Variants in C1orf21 observed in about 807,000 individuals in gnomAD.
C1orf21 encodes uncharacterized protein C1orf21.
A neutral mutation model predicts 18.7 loss-of-function variants in C1orf21; 3 were observed. The ratio of observed to expected loss-of-function variants is 0.16; its 90% CI spans 0.07 to 0.42. The LOEUF is 0.42. Ranked by LOEUF, C1orf21 falls within the 10% of genes least tolerant of loss-of-function variation. C1orf21 has a pLI of 0.99. For missense variants in C1orf21, 104 were observed against 143.6 expected, an observed-to-expected ratio of 0.72 and a Z score of 1.41; for synonymous variants, 41 against 46.4, an observed-to-expected ratio of 0.88 and a Z score of 0.47.
At chr1:184,559,454 C>T (rs969720215) in intron 3 of C1orf21, among the ~76,000 whole-genome samples, 6 of 151,660 alleles carry the variant, frequency 4.0e-5, no homozygotes, top group African/African-American at 1.5e-4. Context: ...TGGTGTCAGG[C>T]ATCTTTCTTT....
intron 1 of C1orf21, among the ~76,000 whole-genome samples, chr1:184,475,631 A>C (rs1332574285): frequency 6.6e-6 from 1 of 152,136 alleles, no homozygotes; most frequent in African/African-American, 2.4e-5. Context: ...AAATGTCAGC[A>C]TCTCTTCTCC....
chr1:184,601,414 C>T (rs1045470093), intron 5 of C1orf21, among the ~76,000 whole-genome samples: 1 of 152,062 alleles, frequency 6.6e-6, no homozygotes, highest in Non-Finnish European at 1.5e-5. Flanking sequence ...GTAAAAGCAC[C>T]ATTAGTATAC....
chr1:184,428,714 G>A (rs946430497), intron 1 of C1orf21, among the ~76,000 whole-genome samples: 1 of 152,056 alleles, frequency 6.6e-6, no homozygotes, highest in Non-Finnish European at 1.5e-5. Context: ...TTGGGTCTAG[G>A]ATGTTTCCAT....
intron 3 of C1orf21, among the ~76,000 whole-genome samples, chr1:184,573,845 T>TA (rs1347009944): frequency 2.0e-5 from 3 of 152,024 alleles, no homozygotes; most frequent in Admixed American, 2.0e-4. Flanking sequence ...TTGAAATCTT[T>TA]AAAAAATTAA....
chr1:184,539,069 T>C (rs1658604477), intron 3 of C1orf21, among the ~76,000 whole-genome samples: 1 of 152,222 alleles, frequency 6.6e-6, no homozygotes, highest in South Asian at 2.1e-4. Context: ...CATCCTTCCC[T>C]TGTTCTTGAT....
chr1:184,449,499 G>A (rs549414276), intron 1 of C1orf21, among the ~76,000 whole-genome samples: 31 of 152,126 alleles, frequency 2.0e-4, no homozygotes, highest in South Asian at 1.2e-3. Context: ...GAATAGTGCC[G>A]CAATAAACAT....
At chr1:184,591,561 CT>C (rs1456189538) in intron 4 of C1orf21, among the ~76,000 whole-genome samples, 9 of 152,092 alleles carry the variant, frequency 5.9e-5, no homozygotes, top group African/African-American at 1.9e-4. Flanking sequence ...AATCCCAGCA[CT>C]TTGGGAGGCC....
At chr1:184,524,601 T>C (rs1658352393) in intron 3 of C1orf21, among the ~76,000 whole-genome samples, 1 of 152,144 alleles carries the variant, frequency 6.6e-6, no homozygotes, top group Non-Finnish European at 1.5e-5. Flanking sequence ...AGTTAGAATA[T>C]AGAACTGGGT....
intron 1 of C1orf21, among the ~76,000 whole-genome samples, chr1:184,445,703 A>T (rs1237296895): frequency 6.6e-6 from 1 of 152,138 alleles, no homozygotes; most frequent in Non-Finnish European, 1.5e-5. Context: ...GAGCTGGTTA[A>T]TGCAATGCAT....
intron 3 of C1orf21, among the ~76,000 whole-genome samples, chr1:184,577,909 G>T (rs1313014252): frequency 1.4e-5 from 2 of 147,730 alleles, no homozygotes; most frequent in African/African-American, 5.0e-5. Flanking sequence ...TGTTTATTCT[G>T]TAGTAGTCAG....
chr1:184,470,890 A>AG (rs1466310608), intron 1 of C1orf21, among the ~76,000 whole-genome samples: 1 of 152,036 alleles, frequency 6.6e-6, no homozygotes, highest in East Asian at 1.9e-4. Context: ...AAAAAAAAAA[A>AG]AGAACAAGAA....
At chr1:184,557,667 T>A (rs547284964) in intron 3 of C1orf21, among the ~76,000 whole-genome samples, 1 of 152,344 alleles carries the variant, frequency 6.6e-6, no homozygotes, top group South Asian at 2.1e-4. Context: ...GCATTTGGGC[T>A]GGTTCCATAT....
intron 1 of C1orf21, among the ~76,000 whole-genome samples, chr1:184,425,302 C>G (rs1029313803): frequency 2.0e-5 from 3 of 150,050 alleles, no homozygotes; most frequent in African/African-American, 4.9e-5. Flanking sequence ...AGGTCTCGTT[C>G]TGGCACCCAG....
intron 3 of C1orf21, among the ~76,000 whole-genome samples, chr1:184,569,868 CT>C (rs1659084792): frequency 6.6e-6 from 1 of 152,180 alleles, no homozygotes; most frequent in Non-Finnish European, 1.5e-5. Context: ...GTGGAGAGGA[CT>C]ATGGCATAGC....
At chr1:184,506,954 A>T (rs1374138031) in intron 2 of C1orf21, among the ~76,000 whole-genome samples, 1 of 151,634 alleles carries the variant, frequency 6.6e-6, no homozygotes, top group Admixed American at 6.6e-5. Flanking sequence ...TTACAGAGAG[A>T]TTGAATTAAA....
At chr1:184,614,518 A>G (rs1571302960) in intron 5 of C1orf21, among the ~76,000 whole-genome samples, 3 of 115,256 alleles carry the variant, frequency 2.6e-5, no homozygotes, top group South Asian at 2.9e-4. Flanking sequence ...GCAGTCCCCA[A>G]CCTTTCTGGC....
At chr1:184,486,184 C>A (rs1252137229) in intron 2 of C1orf21, among the ~76,000 whole-genome samples, 2 of 152,128 alleles carry the variant, frequency 1.3e-5, no homozygotes, top group Non-Finnish European at 2.9e-5. Flanking sequence ...AGAGAAGGTG[C>A]TCAAAATATG....
chr1:184,521,881 C>T (rs1178943060), intron 3 of C1orf21, among the ~76,000 whole-genome samples: 1 of 151,970 alleles, frequency 6.6e-6, no homozygotes, highest in South Asian at 2.1e-4. Context: ...AAGATGCTAA[C>T]CTAAGTAACT....
At chr1:184,488,790 TC>T (rs1226779919) in intron 2 of C1orf21, among the ~76,000 whole-genome samples, 1 of 151,994 alleles carries the variant, frequency 6.6e-6, no homozygotes, top group Non-Finnish European at 1.5e-5. Context: ...CACGGTGAAA[TC>T]CTGTCTCTAC....
Sources: gnomAD v4.1 joint callset for allele counts (sites outside exome capture counted in the v4.1 genomes callset) on GRCh38, gnomAD v4.1.1 for gene constraint, MANE v1.5 for transcripts, NCBI Gene and HGNC (gene_info 2026-07-23, HGNC 2026-07-21) for gene names.